HNF4A: variants seen among roughly 807,000 people sequenced by gnomAD.
HNF4A encodes hepatocyte nuclear factor 4-alpha.
In HNF4A, 15 loss-of-function variants were observed where a neutral mutation model predicts 52.4. That is an observed-to-expected ratio of 0.29 (90% CI 0.19 to 0.44). HNF4A has a LOEUF of 0.44. Ranked by LOEUF, HNF4A falls within the 20% of genes least tolerant of loss-of-function variation. The pLI is 1.00. For synonymous variants in HNF4A, 280 were observed against 264.4 expected, an observed-to-expected ratio of 1.06 and a Z score of -0.57; for missense variants, 479 against 647.2, an observed-to-expected ratio of 0.74 and a Z score of 2.82.
At chr20:44,372,834 T>G (rs1057435959) in intron 1 of HNF4A, 5 of 152,104 alleles carry the variant, frequency 3.3e-5, no homozygotes, top group Non-Finnish European at 5.9e-5. Context: ...TCCTGAAGAC[T>G]TAGGGGGCCG....
intron 1 of HNF4A, among the ~76,000 whole-genome samples, chr20:44,369,390 A>G (rs2146199116): frequency 6.6e-6 from 1 of 151,850 alleles, no homozygotes; most frequent in East Asian, 1.9e-4. Context: ...ACATCATGCC[A>G]CTGCACTCCA....
intron 1 of HNF4A, among the ~76,000 whole-genome samples, chr20:44,391,806 A>G (rs1459306912): frequency 6.6e-6 from 1 of 152,210 alleles, no homozygotes; most frequent in Non-Finnish European, 1.5e-5. Context: ...AAACCTTGGC[A>G]GATACATCTG....
intron 1 of HNF4A, among the ~76,000 whole-genome samples, chr20:44,358,118 A>G (rs776719144): frequency 6.8e-6 from 1 of 146,778 alleles, no homozygotes; most frequent in Non-Finnish European, 1.5e-5. Context: ...AGCATCCTAG[A>G]TCTACCTTAT....
chr20:44,370,217 CG>C (rs1052105326), intron 1 of HNF4A, among the ~76,000 whole-genome samples: 4 of 152,100 alleles, frequency 2.6e-5, no homozygotes, highest in African/African-American at 9.7e-5. Context: ...TTAGTAGAGA[CG>C]GGGTTTCACC....
chr20:44,404,707 G>C (rs1263446206), intron 1 of HNF4A, among the ~76,000 whole-genome samples: 1 of 104,020 alleles, frequency 9.6e-6, no homozygotes, highest in Non-Finnish European at 2.1e-5. Context: ...TGTGGAGCGT[G>C]TGTGTGCTTA....
chr20:44,404,380 G>A (rs1412134199), intron 1 of HNF4A, among the ~76,000 whole-genome samples: 1 of 152,160 alleles, frequency 6.6e-6, no homozygotes, highest in Non-Finnish European at 1.5e-5. Context: ...TTCAGAGGCT[G>A]TGCTGTTACC....
At chr20:44,411,891 CA>C (rs34125386) in intron 3 of HNF4A, among the ~76,000 whole-genome samples, 568 of 134,532 alleles carry the variant, frequency 4.2e-3, no homozygotes, top group Middle Eastern at 7.8e-3. Context: ...CCCCGTCTCT[CA>C]AAAAAAAAAA....
At chr20:44,366,930 C>A (rs1385186544) in intron 1 of HNF4A, among the ~76,000 whole-genome samples, 1 of 152,186 alleles carries the variant, frequency 6.6e-6, no homozygotes, top group East Asian at 1.9e-4. Context: ...CACACTAAAC[C>A]TGGCATCAGA....
chr20:44,406,869 A>T (rs1484268584), intron 2 of HNF4A, among the ~76,000 whole-genome samples: 1 of 152,196 alleles, frequency 6.6e-6, no homozygotes, highest in African/African-American at 2.4e-5. Context: ...TGTGGCTTGG[A>T]GGGCTAGGCA....
At position 44,429,670 on chromosome 20, in the gene HNF4A, C is replaced by T; in HGVS notation, c.*5C>T. On this transcript the variant is annotated 3_prime_UTR_variant, in exon 10 of 10. Coordinates refer to ENST00000316099, the MANE Select transcript of HNF4A (RefSeq NM_000457.6). ...ACCAAGCAGGAAGTTATCTAGCAAG[C>T]CGCTGGGGCTTGGGGGCTCCACTGG... is the stretch of plus-strand genomic sequence containing the variant. 6.2e-7 allele frequency: 1 copy of T among 1,614,082 alleles called. No individual in the cohort carries two copies. Among genetic ancestry groups the T allele is most frequent in the Non-Finnish European group, 8.5e-7 (1 of 1,180,012 alleles).
intron 1 of HNF4A, among the ~76,000 whole-genome samples, chr20:44,404,346 G>C (rs538614252): frequency 6.6e-6 from 1 of 152,246 alleles, no homozygotes; most frequent in South Asian, 2.1e-4. Context: ...GGGCAAGCTG[G>C]AATTGAACCC....
chr20:44,380,790 T>A (rs751076546), intron 1 of HNF4A, among the ~76,000 whole-genome samples: 1 of 152,238 alleles, frequency 6.6e-6, no homozygotes, highest in Non-Finnish European at 1.5e-5. Context: ...TTATCTAATT[T>A]TTAAAAATTT....
chr20:44,391,845 A>G (rs1331388248), intron 1 of HNF4A, among the ~76,000 whole-genome samples: 1 of 152,246 alleles, frequency 6.6e-6, no homozygotes, highest in South Asian at 2.1e-4. Flanking sequence ...ATAGTGAGGA[A>G]GTCAAGGAGA....
At chr20:44,368,934 T>A (rs2063001079) in intron 1 of HNF4A, among the ~76,000 whole-genome samples, 1 of 152,068 alleles carries the variant, frequency 6.6e-6, no homozygotes, top group Non-Finnish European at 1.5e-5. Context: ...GAGAAGTCAG[T>A]ATAACCATGA....
intron 1 of HNF4A, among the ~76,000 whole-genome samples, chr20:44,358,908 C>T (rs946062984): frequency 1.3e-5 from 2 of 152,138 alleles, no homozygotes; most frequent in Admixed American, 1.3e-4. Flanking sequence ...TAAAGAGCTG[C>T]TCTTTGGTGT....
Position 44,418,490 on chromosome 20 carries a change from G to A in HNF4A, c.714G>A (p.Val238=), listed in dbSNP as rs2063697415. 2.5e-6 allele frequency: 4 copies of A among 1,613,066 alleles called. No homozygotes were observed. The highest frequency in any genetic ancestry group is 2.2e-5 in the South Asian group (2 of 91,086). ...TCGGAGCCACCAAGAGATCCATGGT[G>A]TTCAAGGACGTGCTGCTCCTAGGTG... Residue 238 remains valine, a synonymous_variant, in exon 6 of 10, where the codon GTG becomes GTA. Transcript: ENST00000316099.
chr20:44,418,619 T>A (rs1211158154), intron 6 of HNF4A, 107 bp downstream of exon 6: 3 of 836,732 alleles, frequency 3.6e-6, no homozygotes, highest in Non-Finnish European at 6.0e-6. Context: ...TGAGGGAGAC[T>A]AGTCAGGAGT....
At chr20:44,371,471 G>A (rs2063033295) in intron 1 of HNF4A, among the ~76,000 whole-genome samples, 2 of 152,112 alleles carry the variant, frequency 1.3e-5, no homozygotes, top group Non-Finnish European at 2.9e-5. Context: ...TAGAGACGGG[G>A]TTTCGCCATG....
chr20:44,376,142 G>A (rs553555336), intron 1 of HNF4A, among the ~76,000 whole-genome samples: 2 of 152,268 alleles, frequency 1.3e-5, no homozygotes, highest in South Asian at 4.2e-4. Context: ...GCATGCACCT[G>A]TAATCCTAGC....
Sources: allele counts gnomAD v4.1 joint callset (sites outside exome capture counted in the v4.1 genomes callset), GRCh38; gene constraint gnomAD v4.1.1; transcripts MANE v1.5; gene names NCBI Gene and HGNC (gene_info 2026-07-23, HGNC 2026-07-21).